The following GGTA1 variants were observed in gnomAD, a reference collection of about 807,000 sequenced individuals.
GGTA1 encodes the protein inactive N-acetyllactosaminide alpha-1,3-galactosyltransferase.
A neutral mutation model predicts 2.6 loss-of-function variants in GGTA1; 5 were observed. The observed-to-expected ratio is 1.92, with a 90% CI of 1.00 to 4.04. GGTA1 has a LOEUF of 4.04. GGTA1 is among the 30% of genes most tolerant of loss of function. The probability of loss-of-function intolerance (pLI) is 0.00; values close to 1 mark genes in which losing one functional copy is unlikely to be tolerated. For synonymous variants in GGTA1, 17 were observed against 5.0 expected, an observed-to-expected ratio of 3.38 and a Z score of -3.19; for missense variants, 50 against 16.7, an observed-to-expected ratio of 2.99 and a Z score of -3.47.
At chr9:121,495,991 G>T (rs1315564935) in intron 1 of GGTA1, among the ~76,000 whole-genome samples, 1 of 152,222 alleles carries the variant, frequency 6.6e-6, no homozygotes, top group Non-Finnish European at 1.5e-5. Flanking sequence ...GAACATGGAT[G>T]AATTTGCCTG....
intron 5 of GGTA1, among the ~76,000 whole-genome samples, chr9:121,458,763 T>A (rs920796231): frequency 2.0e-5 from 3 of 152,108 alleles, no homozygotes; most frequent in African/African-American, 7.2e-5. Flanking sequence ...AGCTGGTGAC[T>A]ATGGTCTGTC....
chr9:121,445,384 G>A (rs751420480), exon 8 of GGTA1: 3 of 152,150 alleles, frequency 2.0e-5, no homozygotes, highest in Admixed American at 6.5e-5. Context: ...GAAGTAGGAG[G>A]CACGGTGAAA....
intron 2 of GGTA1, among the ~76,000 whole-genome samples, chr9:121,467,369 A>G (rs1015713593): frequency 3.3e-5 from 5 of 152,224 alleles, no homozygotes; most frequent in Non-Finnish European, 7.3e-5. Context: ...GATTTTAGCC[A>G]GGCACAAATG....
rs1300266976 is a variant in GGTA1 at position 121,455,719 on chromosome 9, G to A, written c.*118C>T. 1 of 367,154 alleles carries A rather than the reference G, an allele frequency of 2.7e-6. No individual in the cohort carries two copies. 22.7% of individuals were successfully genotyped at this position (367,154 alleles called of 1,614,324 possible). On this transcript the variant is annotated 3_prime_UTR_variant, in exon 6 of 6. Coordinates refer to ENST00000481799, the MANE Select transcript of GGTA1 (RefSeq NM_001382585.1). ...CCCAGTCCTTCCCCTTGAGAATCTC[G>A]CAGTCCCAACAGGTGGTCCGCCTGT...
chr9:121,479,001 C>T (rs1354501918), intron 1 of GGTA1: 3 of 445,098 alleles, frequency 6.7e-6, no homozygotes, highest in Non-Finnish European at 1.3e-5. Context: ...GGAAAAACTC[C>T]AGGCTGCAGC....
At chr9:121,479,667 T>C (rs968768320) in intron 1 of GGTA1, among the ~76,000 whole-genome samples, 3 of 138,848 alleles carry the variant, frequency 2.2e-5, no homozygotes, top group African/African-American at 7.5e-5. Context: ...TGACTGCTCC[T>C]AGGACCAGCC....
downstream of GGTA1, among the ~76,000 whole-genome samples, chr9:121,453,566 G>A (rs899713877): frequency 7.9e-5 from 12 of 152,186 alleles, no homozygotes; most frequent in Non-Finnish European, 1.8e-4. Context: ...TCAAACCCCA[G>A]TATGGGCCTG....
chr9:121,499,426 G>C (rs1829059602), intron 1 of GGTA1, among the ~76,000 whole-genome samples: 1 of 152,202 alleles, frequency 6.6e-6, no homozygotes, highest in Non-Finnish European at 1.5e-5. Flanking sequence ...TGGACAGAGG[G>C]AGGGACGGCC....
At chr9:121,496,757 A>AAAAGAG (rs1554838784) in intron 1 of GGTA1, among the ~76,000 whole-genome samples, 35 of 111,826 alleles carry the variant, frequency 3.1e-4, no homozygotes, top group African/African-American at 7.6e-4. Flanking sequence ...AAAAAAAAAA[A>AAAAGAG]AGAGAGAGAG....
chr9:121,448,038 G>T (rs2064860168), intron 7 of GGTA1, among the ~76,000 whole-genome samples: 2 of 152,192 alleles, frequency 1.3e-5, no homozygotes, highest in Admixed American at 6.5e-5. Context: ...GCCTGTAGGT[G>T]CCTGGATGCT....
chr9:121,451,264 C>A (rs1444729543), downstream of GGTA1, among the ~76,000 whole-genome samples: 4 of 152,304 alleles, frequency 2.6e-5, no homozygotes, highest in South Asian at 4.1e-4. Flanking sequence ...CAGCTCACTG[C>A]AACCTCCGCC....
intron 1 of GGTA1, among the ~76,000 whole-genome samples, chr9:121,491,888 T>G (rs1828876880): frequency 1.3e-5 from 2 of 152,170 alleles, no homozygotes; most frequent in African/African-American, 4.8e-5. Flanking sequence ...ATTACAAGTG[T>G]GAGCCACCAT....
intron 1 of GGTA1, among the ~76,000 whole-genome samples, chr9:121,475,516 C>T (rs1421754835): frequency 6.6e-6 from 1 of 152,032 alleles, no homozygotes; most frequent in Admixed American, 6.5e-5. Flanking sequence ...GGATCCAGAC[C>T]CCCTTCCTGT....
At chr9:121,479,478 G>A in intron 1 of GGTA1, 1 of 215,134 alleles carries the variant, frequency 4.6e-6, no homozygotes, top group South Asian at 6.2e-5. Flanking sequence ...AGGCAGAAAT[G>A]TTCCTCTCTG....
intron 7 of GGTA1, among the ~76,000 whole-genome samples, chr9:121,449,857 A>AG (rs993674743): frequency 1.1e-4 from 16 of 151,440 alleles, no homozygotes; most frequent in African/African-American, 2.4e-4. Flanking sequence ...AAAAAAAAAA[A>AG]AAGAAGAAGA....
At chr9:121,457,302 G>A (rs893528600) in intron 5 of GGTA1, among the ~76,000 whole-genome samples, 3 of 152,214 alleles carry the variant, frequency 2.0e-5, no homozygotes, top group African/African-American at 7.2e-5. Flanking sequence ...GTAGACACAA[G>A]TCACAGCTCA....
chr9:121,489,302 G>A (rs898136712), intron 1 of GGTA1, among the ~76,000 whole-genome samples: 2 of 152,138 alleles, frequency 1.3e-5, no homozygotes, highest in African/African-American at 2.4e-5. Flanking sequence ...GAGCTCAAGC[G>A]ATCCTCCCAC....
intron 1 of GGTA1, among the ~76,000 whole-genome samples, chr9:121,491,124 A>G (rs1387123985): frequency 6.7e-6 from 1 of 148,348 alleles, no homozygotes; most frequent in African/African-American, 2.6e-5. Context: ...GGCAACCACA[A>G]GCAAACCCCG....
intron 1 of GGTA1, 110 bp from the exon 2 acceptor site, chr9:121,468,041 ATACTT>A (rs2065017404): frequency 2.5e-6 from 1 of 394,168 alleles, no homozygotes; most frequent in Non-Finnish European, 5.0e-6. Context: ...AATTACTACT[ATACTT>A]TAAGTTCTGG....
Sources: gnomAD v4.1 joint callset for allele counts (sites outside exome capture counted in the v4.1 genomes callset) on GRCh38, gnomAD v4.1.1 for gene constraint, MANE v1.5 for transcripts, NCBI Gene and HGNC (gene_info 2026-07-23, HGNC 2026-07-21) for gene names.